Variants in LGALS9 observed in about 807,000 individuals in gnomAD.
LGALS9 encodes the protein galectin-9.
Under a neutral mutation model 35.9 loss-of-function variants are expected in LGALS9, and 26 were observed. The ratio of observed to expected loss-of-function variants is 0.72; its 90% CI spans 0.53 to 1.01. The LOEUF (loss-of-function observed/expected upper bound fraction) is 1.01, where lower values mean the gene tolerates loss of function less well. LGALS9 is among the 50% of genes least tolerant of loss of function. The pLI, the probability that LGALS9 is intolerant of heterozygous loss-of-function variation, is 0.00. For missense variants in LGALS9, 347 were observed against 445.8 expected (o/e 0.78, Z 1.99); for synonymous variants, 149 against 172.2 (o/e 0.87, Z 1.06).
chr17:27,634,450 C>T (rs1369225020), intron 1 of LGALS9, among the ~76,000 whole-genome samples: 4 of 151,958 alleles, frequency 2.6e-5, no homozygotes, highest in East Asian at 1.9e-4. Flanking sequence ...ACCTGGGAGG[C>T]GGAGGTGGGA....
In LGALS9 at chr17:27,647,327, T is replaced by C; in HGVS notation, c.816T>C (p.Phe272=). ...TCGCCTTCCACCTGAACCCCCGTTT[T>C]GATGAGAATGCTGTGGTCCGCAACA... is the stretch of plus-strand genomic sequence containing the variant. ...NHIAFHLNPR[F]DENAVVRNTQ... is the part of the protein sequence containing the mutation. The change falls in exon 10 of 11, where the codon TTT becomes TTC. Residue 272 remains phenylalanine (F), a synonymous_variant. Transcript: ENST00000395473. 1 of 1,614,172 alleles carries C rather than the reference T, an allele frequency of 6.2e-7. No homozygotes were observed. The highest frequency in any genetic ancestry group is 2.2e-5 in the East Asian group (1 of 44,876).
intron 9 of LGALS9, 35 bp from the exon 10 acceptor site, chr17:27,647,235 G>C: frequency 1.2e-6 from 2 of 1,613,410 alleles, no homozygotes; most frequent in Admixed American, 1.7e-5. Flanking sequence ...CTCAGAATTC[G>C]GTGGATAAAG....
Position 27,642,248 on chromosome 17 carries a change from A to G in LGALS9, c.344A>G (p.Asn115Ser). 1 of 1,612,690 alleles carries G rather than the reference A, an allele frequency of 6.2e-7. No homozygotes were observed. Among genetic ancestry groups the G allele is most frequent in the East Asian group, 2.2e-5 (1 of 44,848 alleles). ...VQSSDFKVMV[N>S]GILFVQYFHR... ...GCTCTCCTCTGGCAGGTGATGGTGA[A>G]CGGGATCCTCTTCGTGCAGTACTTC... Residue 115 changes from asparagine to serine, a missense_variant, in exon 4 of 11, where the codon AAC becomes AGC. By Grantham distance (46) the Asn-to-Ser change is conservative (BLOSUM62 1). Transcript: ENST00000395473.
chr17:27,649,293 C>T lies in LGALS9; in HGVS notation c.*311C>T. On this transcript the variant is annotated 3_prime_UTR_variant, in exon 11 of 11. Coordinates refer to ENST00000395473, the MANE Select transcript of LGALS9 (RefSeq NM_009587.3). Reference sequence around the variant, plus strand: ...GTGAAGATGAAGCCCCATGCTCAGTCCCCTCCCATCCCCCACGCAGCTCCA... The same window carrying T: ...GTGAAGATGAAGCCCCATGCTCAGTTCCCTCCCATCCCCCACGCAGCTCCA... The T allele has an allele frequency of 2.2e-6, 1 of 447,278 alleles. No homozygotes were observed. Among genetic ancestry groups the T allele is most frequent in the Non-Finnish European group, 4.2e-6 (1 of 239,332 alleles). The allele number at this position is 447,278 out of a possible 1,614,324, so 27.7% of individuals were successfully genotyped here.
Position 27,633,672 on chromosome 17 carries a change from G to T in LGALS9, c.39+2368G>T, listed in dbSNP as rs113169264. Among the ~76,000 whole-genome samples the T allele has an allele frequency of 4.7e-3, 722 of 152,386 alleles. 5 individuals carry two copies. The highest frequency in any genetic ancestry group is 0.016 in the African/African-American group (666 of 41,594). ...GGGCACTATCAGGAACAGAGAGCAA[G>T]TCATGACTCAGCAGAGGGATCGATT... On this transcript the variant is annotated intron_variant, in intron 1 of 10. Coordinates refer to ENST00000395473, the MANE Select transcript of LGALS9 (RefSeq NM_009587.3).
At position 27,631,301 on chromosome 17, in the gene LGALS9, T is replaced by G. The variant is rs766241939; in HGVS notation, c.36T>G (p.Ser12Arg). The G allele has an allele frequency of 1.2e-6, 2 of 1,613,950 alleles. No individual in the cohort carries two copies. The highest frequency in any genetic ancestry group is 1.3e-5 in the African/African-American group (1 of 74,886). The change falls in exon 1 of 11, where the codon AGT (serine) becomes AGG (arginine). Residue 12 changes from serine to arginine, a missense_variant. By Grantham distance (110) the Ser-to-Arg change is moderately radical. Transcript: ENST00000395473. ...AFSGSQAPYLSPAVPFSGTIQ... is the reference protein window; with the variant it reads ...AFSGSQAPYLRPAVPFSGTIQ... The stretch of plus-strand genomic sequence containing the variant: ...GCGGTTCCCAGGCTCCCTACCTGAG[T>G]CCAGTGAGTTCCAGGGCTATGGGCA...
chr17:27,642,122 C>G, intron 3 of LGALS9, 116 bp from the exon 4 acceptor site: 2 of 1,510,600 alleles, frequency 1.3e-6, no homozygotes, highest in Middle Eastern at 2.3e-4. Context: ...TAACTGGCCC[C>G]ACACTGAAGA....
chr17:27,641,165 G>A, intron 3 of LGALS9: 3 of 369,550 alleles, frequency 8.1e-6, no homozygotes, highest in Admixed American at 3.6e-5. Context: ...GTATAGTTTT[G>A]TAAGCACATT....
intron 5 of LGALS9, chr17:27,644,201 T>C (rs9944514): frequency 0.24 from 36,908 of 154,478 alleles, 4,519 homozygotes; most frequent in Admixed American, 0.31. Flanking sequence ...CCAGCCTGCC[T>C]CGAGCACATG....
Position 27,645,312 on chromosome 17 carries a change from A to G in LGALS9, c.541-2A>G, listed in dbSNP as rs1904851463. On this transcript the variant is annotated splice_acceptor_variant, in intron 5 of 10. Transcript: ENST00000395473. LOFTEE classifies it high-confidence loss of function. ...CCATTCTGACTCTCCTCACCCCTCCAGCCTCCCGGCGTGTGGCCTGCCAAC... is the reference window on the plus strand; with the variant it reads ...CCATTCTGACTCTCCTCACCCCTCCGGCCTCCCGGCGTGTGGCCTGCCAAC... The G allele has an allele frequency of 6.2e-7, 1 of 1,613,564 alleles. No homozygotes were observed. The highest frequency in any genetic ancestry group is 1.3e-5 in the African/African-American group (1 of 74,848).
rs139258138 is a variant in LGALS9, at chr17:27,632,200, G to A, written c.39+896G>A. 6.4e-4 allele frequency among the ~76,000 whole-genome samples: 95 copies of A among 149,510 alleles called. 1 individual carries two copies. The highest frequency in any genetic ancestry group is 2.2e-3 in the African/African-American group (88 of 40,626). ...GGCTCCTGTCATAGGATCTCACCCC[G>A]CCTTGGCAAAGAGCTTCCCGAGGGG... On this transcript the variant is annotated intron_variant, in intron 1 of 10. Coordinates refer to ENST00000395473, the MANE Select transcript of LGALS9 (RefSeq NM_009587.3).
At chr17:27,643,160 G>C (rs1377666773) in intron 4 of LGALS9, among the ~76,000 whole-genome samples, 1 of 152,248 alleles carries the variant, frequency 6.6e-6, no homozygotes, top group South Asian at 2.1e-4. Flanking sequence ...CAGGGCACCA[G>C]CAGCTGGGTG....
At position 27,649,026 on chromosome 17, in the gene LGALS9, T is replaced by C; in HGVS notation, c.*44T>C. 1 of 1,612,512 alleles carries C rather than the reference T, an allele frequency of 6.2e-7. No individual in the cohort carries two copies. The highest frequency in any genetic ancestry group is 1.7e-4 in the Middle Eastern group (1 of 5,922). On this transcript the variant is annotated 3_prime_UTR_variant, in exon 11 of 11. Coordinates refer to ENST00000395473, the MANE Select transcript of LGALS9 (RefSeq NM_009587.3). Reference sequence around the variant, plus strand: ...GGCCGGGGGCTGGGGTGTGGGGCAGTCTGGGTCCTCTCATCATCCCCACTT... The same window carrying C: ...GGCCGGGGGCTGGGGTGTGGGGCAGCCTGGGTCCTCTCATCATCCCCACTT...
In LGALS9 at chr17:27,640,657, G is replaced by T; in HGVS notation, c.217G>T (p.Val73Leu). The T allele has an allele frequency of 1.9e-6, 3 of 1,614,244 alleles. No individual in the cohort carries two copies. Among genetic ancestry groups the T allele is most frequent in the Non-Finnish European group, 1.7e-6 (2 of 1,180,030 alleles). The part of the protein sequence containing the change: ...NPRFEDGGYV[V>L]CNTRQNGSWG... ...TCGGTTTGAAGATGGAGGGTACGTG[G>T]TGTGCAACACGAGGCAGAACGGAAG... Residue 73 changes from valine (V) to leucine (L), a missense_variant, in exon 3 of 11, where the codon GTG becomes TTG. Coordinates refer to ENST00000395473, the MANE Select transcript of LGALS9 (RefSeq NM_009587.3).
intron 3 of LGALS9, chr17:27,641,008 A>C (rs1438029496): frequency 1.4e-6 from 1 of 740,288 alleles, no homozygotes; most frequent in Admixed American, 2.0e-5. Context: ...GAACTAGAGG[A>C]GTCATCACGT....
At chr17:27,639,200 G>T (rs2151292237) in intron 2 of LGALS9, among the ~76,000 whole-genome samples, 1 of 152,290 alleles carries the variant, frequency 6.6e-6, no homozygotes. Flanking sequence ...CTCCGCCATT[G>T]CCATCCTGCT....
chr17:27,636,311 C>T (rs371192184), intron 1 of LGALS9, among the ~76,000 whole-genome samples: 1 of 152,232 alleles, frequency 6.6e-6, no homozygotes, highest in East Asian at 1.9e-4. Flanking sequence ...CCATCAACAA[C>T]ACACACCCAT....
chr17:27,637,660 C>T (rs11080243), intron 1 of LGALS9, among the ~76,000 whole-genome samples: 34,203 of 152,160 alleles, frequency 0.22, 3,957 homozygotes, highest in Admixed American at 0.29. Context: ...TCTGGGAAGA[C>T]GCTCTGCTGA....
At chr17:27,643,385 C>T (rs1904666584) in intron 4 of LGALS9, 140 bp from the exon 5 acceptor site, 7 of 1,331,272 alleles carry the variant, frequency 5.3e-6, no homozygotes, top group Non-Finnish European at 7.1e-6. Flanking sequence ...TTTCCCATCC[C>T]ATCTTGGCAG....
Sources: gnomAD v4.1 joint callset for allele counts (sites outside exome capture counted in the v4.1 genomes callset) on GRCh38, gnomAD v4.1.1 for gene constraint, MANE v1.5 for transcripts, NCBI Gene and HGNC (gene_info 2026-07-23, HGNC 2026-07-21) for gene names.